RADIL: variants seen among roughly 807,000 people sequenced by gnomAD.
RADIL encodes Rap associating with DIL domain, also known as ras-associating and dilute domain-containing protein.
In RADIL, 99 loss-of-function variants were observed where a neutral mutation model predicts 97.6. The observed-to-expected ratio is 1.01, with a 90% CI of 0.86 to 1.20. The LOEUF is 1.20. Among genes scored for constraint, RADIL ranks in the 50% most tolerant of loss-of-function variants. The pLI, the probability that RADIL is intolerant of heterozygous loss-of-function variation, is 0.00. For synonymous variants in RADIL, 803 were observed against 691.8 expected (o/e 1.16, Z -2.52); for missense variants, 1,765 against 1,498.9 (o/e 1.18, Z -2.93).
chr7:4,831,551 T>G (rs377399512), intron 5 of RADIL, among the ~76,000 whole-genome samples: 1 of 53,340 alleles, frequency 1.9e-5, no homozygotes, highest in Non-Finnish European at 3.8e-5. Flanking sequence ...GGAAAATAAA[T>G]AAACTAATAA....
chr7:4,865,369 T>TG (rs532039037), intron 2 of RADIL: 36 of 596,832 alleles, frequency 6.0e-5, no homozygotes, highest in African/African-American at 9.4e-5. Context: ...GTGGTTTTTT[T>TG]TTGTTGTTGT....
rs1056257081 is a variant in RADIL at position 4,819,541 on chromosome 7, A to C, written c.1616-2190T>G. ...AAGCTGGCCCTATCCCTAAAGAAGA[A>C]GGCGCTGAGCTCCAGCCACGAGGAG... On this transcript the variant is annotated intron_variant, in intron 6 of 14. Transcript: ENST00000399583. The surrounding 1 kb of genome is among the most constrained non-coding windows in gnomAD (Gnocchi z 5.8). 3.3e-5 allele frequency among the ~76,000 whole-genome samples: 5 copies of C among 152,082 alleles called. No homozygotes were observed. The highest frequency in any genetic ancestry group is 7.4e-5 in the Non-Finnish European group (5 of 68,018).
intron 2 of RADIL, chr7:4,865,774 T>G: frequency 9.8e-7 from 1 of 1,024,236 alleles, no homozygotes; most frequent in South Asian, 1.3e-5. Flanking sequence ...TTTGCCCCCC[T>G]TCACCACAAG....
intron 2 of RADIL, chr7:4,865,502 G>C (rs1784111385): frequency 1.3e-6 from 1 of 784,184 alleles, no homozygotes; most frequent in Non-Finnish European, 2.3e-6. Context: ...TCTCTTTGCT[G>C]TTAGCAACTA....
In RADIL at chr7:4,817,447, C is replaced by T; in HGVS notation, c.1616-96G>A. Reference sequence around the variant, plus strand: ...GCCAGCTCTTTCCCTGGCGCGGGCACCACCCAACGCGCCCATCTGGGGTCC... The same window carrying T: ...GCCAGCTCTTTCCCTGGCGCGGGCATCACCCAACGCGCCCATCTGGGGTCC... On this transcript the variant is annotated intron_variant, in intron 6 of 14. Transcript: ENST00000399583. The surrounding 1 kb of genome is among the most constrained non-coding windows in gnomAD (Gnocchi z 8.3). The T allele has an allele frequency of 3.8e-6, 4 of 1,062,918 alleles. No individual in the cohort carries two copies. The highest frequency in any genetic ancestry group is 3.1e-5 in the South Asian group (2 of 65,512). 65.8% of individuals were successfully genotyped at this position (1,062,918 alleles called of 1,614,324 possible). A position where few individuals can be genotyped will look rare whatever the true frequency, so the allele number is the denominator to read the frequency against.
chr7:4,803,634 C>A lies in RADIL; in HGVS notation c.2411G>T (p.Arg804Leu), dbSNP rs866040132. 6.5e-6 allele frequency: 10 copies of A among 1,549,918 alleles called. No homozygotes were observed. Among genetic ancestry groups the A allele is most frequent in the Non-Finnish European group, 7.0e-6 (8 of 1,147,070 alleles). ...GCTCCGCAGACCCCACAGAAAGTGG[C>A]GGACGTAGAGCAGGTGCTGGTAGAT... is the stretch of plus-strand genomic sequence containing the variant. ...DSIYQHLLYV[R>L]HFLWGLRSRA... The change falls in exon 11 of 15, where the codon CGC becomes CTC. Residue 804 changes from arginine to leucine, a missense_variant. Arg to Leu is a moderately radical substitution (Grantham distance 102). Coordinates refer to ENST00000399583, the MANE Select transcript of RADIL (RefSeq NM_018059.5).
At position 4,817,291 on chromosome 7, in the gene RADIL, A is replaced by G. The variant is rs1241872871; in HGVS notation, c.1676T>C (p.Leu559Pro). The G allele has an allele frequency of 2.5e-6, 4 of 1,612,584 alleles. No individual in the cohort carries two copies. In the African/African-American group the frequency reaches 4.0e-5, roughly 16 times the overall value. ...LTASEEAMAV[L>P]EEVVLYAFQQ... is the part of the protein sequence containing the mutation. ...GAAGGCGTACAGCACCACCTCCTCC[A>G]GCACCGCCATGGCCTCCTCGCTGGC... Residue 559 changes from leucine (L) to proline (P), a missense_variant, in exon 7 of 15, where the codon CTG (leucine) becomes CCG (proline). Transcript: ENST00000399583. The surrounding 1 kb of genome is among the most constrained non-coding windows in gnomAD (Gnocchi z 8.3).
chr7:4,815,447 G>C lies in RADIL; in HGVS notation c.1970C>G (p.Pro657Arg). 1 of 1,514,384 alleles carries C rather than the reference G, an allele frequency of 6.6e-7. No individual in the cohort carries two copies. The highest frequency in any genetic ancestry group is 2.4e-5 in the East Asian group (1 of 42,278). The allele number at this position is 1,514,384 out of a possible 1,614,324, so 93.8% of individuals were successfully genotyped here. ...GGGCCAGTGGAAGCAGCTCAGGGAGGGGCCTGTGGAGGGAAGAAGGGAGGG... is the reference window on the plus strand; with the variant it reads ...GGGCCAGTGGAAGCAGCTCAGGGAGCGGCCTGTGGAGGGAAGAAGGGAGGG... Reference protein sequence around the residue: ...LLLNQLLDRGPSLSCFHWPRG... With the variant: ...LLLNQLLDRGRSLSCFHWPRG... The change falls in exon 9 of 15, where the codon CCC becomes CGC. Residue 657 changes from proline (P) to arginine (R), a missense_variant. Transcript: ENST00000399583. This position sits in a 1 kb window ranked among gnomAD's most constrained non-coding sequence, Gnocchi z 8.0.
Position 4,854,681 on chromosome 7 carries a change from G to A in RADIL, c.536-18076C>T, listed in dbSNP as rs941736027. 1.3e-5 allele frequency among the ~76,000 whole-genome samples: 2 copies of A among 152,216 alleles called. No individual in the cohort carries two copies. The highest frequency in any genetic ancestry group is 4.8e-5 in the African/African-American group (2 of 41,450). On this transcript the variant is annotated intron_variant, in intron 2 of 14. Coordinates refer to ENST00000399583, the MANE Select transcript of RADIL (RefSeq NM_018059.5). This position sits in a 1 kb window ranked among gnomAD's most constrained non-coding sequence, Gnocchi z 5.1. The stretch of plus-strand genomic sequence containing the variant: ...CGCACTCCACCCTGGGCGACAGAGC[G>A]AGACTCCGTATCAAAACAAACAAAC...
chr7:4,804,958 G>C (rs1782246387), intron 10 of RADIL, among the ~76,000 whole-genome samples: 2 of 152,010 alleles, frequency 1.3e-5, no homozygotes, highest in Admixed American at 1.3e-4. Flanking sequence ...GTTGGGCGTG[G>C]TGGCGGACAC....
In RADIL at chr7:4,878,168, G is replaced by A; in HGVS notation, c.-29C>T. 2 of 1,498,140 alleles carry A rather than the reference G, an allele frequency of 1.3e-6. No homozygotes were observed. Among genetic ancestry groups the A allele is most frequent in the Non-Finnish European group, 1.8e-6 (2 of 1,124,068 alleles). 92.8% of individuals were successfully genotyped at this position (1,498,140 alleles called of 1,614,324 possible). ...GGGTGAGGCTTCATGGATGAGGACT[G>A]TGGGCTTCAGCCAAAGGATGTGGGG... is the stretch of plus-strand genomic sequence containing the variant. On this transcript the variant is annotated 5_prime_UTR_variant, in exon 2 of 15. Transcript: ENST00000399583. This position sits in a 1 kb window ranked among gnomAD's most constrained non-coding sequence, Gnocchi z 4.1.
chr7:4,807,671 TCCTCCCTCTC>T, intron 9 of RADIL, among the ~76,000 whole-genome samples: 1 of 52,316 alleles, frequency 1.9e-5, no homozygotes, highest in Non-Finnish European at 3.5e-5. Flanking sequence ...CTCCCCTCCC[TCCTCCCTCTC>T]CTTCTCTCCA....
intron 2 of RADIL, chr7:4,859,758 C>T: frequency 1.6e-6 from 1 of 620,892 alleles, no homozygotes; most frequent in Non-Finnish European, 2.9e-6. Flanking sequence ...CTGATGTTCC[C>T]TGAGAGGCCA....
intron 2 of RADIL, among the ~76,000 whole-genome samples, chr7:4,850,109 G>A (rs1423320242): frequency 6.6e-6 from 1 of 150,872 alleles, no homozygotes; most frequent in East Asian, 2.0e-4. Flanking sequence ...ATTTTCCAGA[G>A]AGGATCTGGT....
Position 4,816,369 on chromosome 7 carries a change from G to C in RADIL, c.1825C>G (p.Leu609Val), listed in dbSNP as rs763902460. 1.2e-6 allele frequency: 2 copies of C among 1,610,722 alleles called. No homozygotes were observed. Among genetic ancestry groups the C allele is most frequent in the Non-Finnish European group, 1.7e-6 (2 of 1,179,140 alleles). The change falls in exon 8 of 15, where the codon CTG becomes GTG. Residue 609 changes from leucine (L) to valine (V), a missense_variant. Transcript: ENST00000399583. Reference sequence around the variant, plus strand: ...TGGTACACAGACACCACGCGGCGCAGCTCCTCGGGCAGTTCGGGGGCCGAG... The same window carrying C: ...TGGTACACAGACACCACGCGGCGCACCTCCTCGGGCAGTTCGGGGGCCGAG... ...WSSAPELPEE[L>V]RRVVSVYQAA...
chr7:4,797,707 A>C lies in RADIL; in HGVS notation c.*1671T>G, dbSNP rs937058411. On this transcript the variant is annotated 3_prime_UTR_variant, in exon 15 of 15. Coordinates refer to ENST00000399583, the MANE Select transcript of RADIL (RefSeq NM_018059.5). ...GAAAAGAAACAGAACAAGGCCAGGC[A>C]TGGTAATCCCACGCCTGTAATCCCA... The C allele has an allele frequency of 6.6e-6, 1 of 152,252 alleles. No homozygotes were observed. The highest frequency in any genetic ancestry group is 2.4e-5 in the African/African-American group (1 of 41,446). 9.4% of individuals were successfully genotyped at this position (152,252 alleles called of 1,614,324 possible).
chr7:4,870,916 G>A (rs1784238553), intron 2 of RADIL, among the ~76,000 whole-genome samples: 1 of 152,148 alleles, frequency 6.6e-6, no homozygotes, highest in Non-Finnish European at 1.5e-5. Flanking sequence ...GGGACAACAG[G>A]GCTGTCAACG....
chr7:4,835,707 T>C lies in RADIL; in HGVS notation c.784-468A>G, dbSNP rs1322842415. On this transcript the variant is annotated intron_variant, in intron 3 of 14. Transcript: ENST00000399583. The surrounding 1 kb of genome is among the most constrained non-coding windows in gnomAD (Gnocchi z 5.8). ...ACCTAAAACCTGGGCACAGGAGCCC[T>C]ATGGCTGTAAAGTGCTCATGGAAAT... Among the ~76,000 whole-genome samples, 1 of 151,784 alleles carries C rather than the reference T, an allele frequency of 6.6e-6. No homozygotes were observed. The highest frequency in any genetic ancestry group is 2.4e-5 in the African/African-American group (1 of 41,256).
intron 2 of RADIL, among the ~76,000 whole-genome samples, chr7:4,855,553 C>T (rs975637412): frequency 4.0e-5 from 6 of 150,240 alleles, no homozygotes; most frequent in Admixed American, 6.7e-5. Context: ...TCACTGGCAC[C>T]GCGTTCGAGT....
Sources: allele counts gnomAD v4.1 joint callset (sites outside exome capture counted in the v4.1 genomes callset), GRCh38; gene constraint gnomAD v4.1.1; non-coding constraint Gnocchi (gnomAD v3.1); transcripts MANE v1.5; gene names NCBI Gene and HGNC (gene_info 2026-07-23, HGNC 2026-07-21).